Variants in PCBP3 observed in about 807,000 individuals in gnomAD.
PCBP3 encodes the protein poly(rC)-binding protein 3.
Under a neutral mutation model 52.7 loss-of-function variants are expected in PCBP3, and 25 were observed. The ratio of observed to expected loss-of-function variants is 0.47; its 90% CI spans 0.35 to 0.66. The LOEUF is 0.66. Ranked by LOEUF, PCBP3 falls within the 30% of genes least tolerant of loss-of-function variation. The pLI is 0.01. For synonymous variants in PCBP3, 162 were observed against 183.0 expected, an observed-to-expected ratio of 0.89 and a Z score of 0.93; for missense variants, 391 against 490.3, an observed-to-expected ratio of 0.80 and a Z score of 1.91.
rs1267896567 is a variant in PCBP3 at position 45,867,313 on chromosome 21, G to A, written c.10+17218G>A. ...ACAGCGATGGAGCCCCCACGAATCC[G>A]CGTGAAAGCAGCAACCACCTAGAAA... is the stretch of plus-strand genomic sequence containing the variant. On this transcript the variant is annotated intron_variant, in intron 5 of 17. Transcript: ENST00000681687. Among the ~76,000 whole-genome samples the A allele has an allele frequency of 2.0e-5, 3 of 152,218 alleles. 1 individual carries two copies. The highest frequency in any genetic ancestry group is 6.5e-5 in the Admixed American group (1 of 15,286).
At chr21:45,859,413 CA>C (rs1278828047) in intron 5 of PCBP3, among the ~76,000 whole-genome samples, 1 of 152,226 alleles carries the variant, frequency 6.6e-6, no homozygotes, top group Admixed American at 6.5e-5. Flanking sequence ...GCATCAGAAG[CA>C]GGGATGAATC....
At chr21:45,905,684 A>G (rs893686187) in intron 9 of PCBP3, among the ~76,000 whole-genome samples, 6 of 152,138 alleles carry the variant, frequency 3.9e-5, no homozygotes, top group African/African-American at 1.4e-4. Context: ...CTGGGTCCTC[A>G]CAGAGTCACC....
At chr21:45,874,239 T>C (rs2095157827) in intron 5 of PCBP3, among the ~76,000 whole-genome samples, 1 of 152,278 alleles carries the variant, frequency 6.6e-6, no homozygotes, top group Non-Finnish European at 1.5e-5. Context: ...AGGATATTCT[T>C]GAACTGATTA....
chr21:45,807,518 C>T (rs976055533), intron 4 of PCBP3, among the ~76,000 whole-genome samples: 5 of 152,140 alleles, frequency 3.3e-5, no homozygotes, highest in African/African-American at 4.8e-5. Context: ...CAAACCACTG[C>T]TCAAGGAAAT....
intron 4 of PCBP3, among the ~76,000 whole-genome samples, chr21:45,814,701 GAGT>G (rs2092802373): frequency 7.3e-6 from 1 of 136,726 alleles, no homozygotes; most frequent in Non-Finnish European, 1.6e-5. Context: ...GGTGAGTGAT[GAGT>G]GGTGAGTGAT....
intron 13 of PCBP3, among the ~76,000 whole-genome samples, chr21:45,929,650 G>A (rs904771427): frequency 3.9e-5 from 6 of 152,230 alleles, no homozygotes; most frequent in African/African-American, 9.6e-5. Context: ...AGGCTGGGCC[G>A]GTCTAGGCTG....
rs147409141 is a variant in PCBP3 at position 45,864,333 on chromosome 21, C to T, written c.10+14238C>T. On this transcript the variant is annotated intron_variant, in intron 5 of 17. Transcript: ENST00000681687. The stretch of plus-strand genomic sequence containing the variant: ...GTGCTGCCGATGGATGGAGAGCATG[C>T]ACTTTTGCAGCTTGGTGCTTAAAAT... Among the ~76,000 whole-genome samples, 4 of 152,302 alleles carry T rather than the reference C, an allele frequency of 2.6e-5. No individual in the cohort carries two copies. The East Asian group carries it at 7.7e-4, about 29-fold the overall frequency.
chr21:45,759,220 G>C (rs930746463), intron 4 of PCBP3, among the ~76,000 whole-genome samples: 5 of 152,162 alleles, frequency 3.3e-5, no homozygotes, highest in Non-Finnish European at 7.4e-5. Flanking sequence ...GTTTTCAGGA[G>C]TTTGTGTGAA....
chr21:45,793,370 A>G (rs769834992), intron 4 of PCBP3, among the ~76,000 whole-genome samples: 2 of 152,134 alleles, frequency 1.3e-5, no homozygotes, highest in Non-Finnish European at 2.9e-5. Flanking sequence ...ACCGAGGACC[A>G]GCGAGTCCAG....
chr21:45,739,275 GC>G (rs1271822963), intron 3 of PCBP3, among the ~76,000 whole-genome samples: 1 of 98,648 alleles, frequency 1.0e-5, no homozygotes, highest in Non-Finnish European at 2.0e-5. Flanking sequence ...CCCCTGGATG[GC>G]CCCCCCATCT....
At chr21:45,728,354 G>A (rs2085210558) in intron 2 of PCBP3, among the ~76,000 whole-genome samples, 1 of 152,054 alleles carries the variant, frequency 6.6e-6, no homozygotes, top group Non-Finnish European at 1.5e-5. Flanking sequence ...ATCATATGGT[G>A]TTTCTTTTTT....
chr21:45,739,143 C>T (rs12481940), intron 3 of PCBP3, among the ~76,000 whole-genome samples: 2,357 of 136,778 alleles, frequency 0.017, 26 homozygotes, highest in Non-Finnish European at 0.027. Flanking sequence ...ATCAGCCCAC[C>T]CCTTCCTGTC....
At chr21:45,690,796 A>G (rs1194268174) in intron 2 of PCBP3, among the ~76,000 whole-genome samples, 1 of 152,182 alleles carries the variant, frequency 6.6e-6, no homozygotes, top group African/African-American at 2.4e-5. Context: ...TTAGGAAAAT[A>G]AAAACTAAAG....
At chr21:45,797,650 TAAGTGCATGGATCCATAGG>T (rs2092011786) in intron 4 of PCBP3, among the ~76,000 whole-genome samples, 5 of 105,090 alleles carry the variant, frequency 4.8e-5, no homozygotes, top group African/African-American at 1.2e-4. Context: ...CATGGATGGA[TAAGTGCATGGATCCATAGG>T]GAGAGTGAAT....
At chr21:45,670,728 A>G (rs897666286) in intron 2 of PCBP3, among the ~76,000 whole-genome samples, 7 of 152,034 alleles carry the variant, frequency 4.6e-5, no homozygotes, top group Non-Finnish European at 1.0e-4. Flanking sequence ...TCATGCTTTT[A>G]CTCTGTATCT....
intron 4 of PCBP3, among the ~76,000 whole-genome samples, chr21:45,801,610 C>T (rs1032814717): frequency 3.3e-5 from 5 of 150,056 alleles, no homozygotes; most frequent in Admixed American, 6.7e-5. Context: ...GTCACTGACC[C>T]GCCTTCACAG....
At chr21:45,907,440 G>T (rs547151235) in intron 9 of PCBP3, among the ~76,000 whole-genome samples, 1 of 152,162 alleles carries the variant, frequency 6.6e-6, no homozygotes, top group Admixed American at 6.5e-5. Flanking sequence ...CGAGGTTGTC[G>T]GAAGGGACTT....
chr21:45,680,098 C>T (rs2081743324), intron 2 of PCBP3, among the ~76,000 whole-genome samples: 1 of 152,198 alleles, frequency 6.6e-6, no homozygotes, highest in South Asian at 2.1e-4. Flanking sequence ...CATGTCCATC[C>T]TTCTGACAAT....
At chr21:45,806,330 A>G (rs1307162650) in intron 4 of PCBP3, among the ~76,000 whole-genome samples, 1 of 151,338 alleles carries the variant, frequency 6.6e-6, no homozygotes, top group Non-Finnish European at 1.5e-5. Context: ...ACTGCACAGA[A>G]AGGGAAGTGG....
Sources: gnomAD v4.1 joint callset for allele counts (sites outside exome capture counted in the v4.1 genomes callset) on GRCh38, gnomAD v4.1.1 for gene constraint, MANE v1.5 for transcripts, NCBI Gene and HGNC (gene_info 2026-07-23, HGNC 2026-07-21) for gene names.